CHD9: variants seen among roughly 807,000 people sequenced by gnomAD.
CHD9 encodes the protein ATP-dependent chromatin remodeler CHD9.
A neutral mutation model predicts 316.1 loss-of-function variants in CHD9; 77 were observed. The ratio of observed to expected loss-of-function variants is 0.24; its 90% CI spans 0.20 to 0.29. CHD9 has a LOEUF of 0.29. Among genes scored for constraint, CHD9 ranks in the 10% least tolerant of loss-of-function variants. The pLI, the probability that CHD9 is intolerant of heterozygous loss-of-function variation, is 1.00. For missense variants in CHD9, 2,763 were observed against 3,438.1 expected, an observed-to-expected ratio of 0.80 and a Z score of 4.91; for synonymous variants, 1,129 against 1,158.3, an observed-to-expected ratio of 0.97 and a Z score of 0.51.
Position 53,287,978 on chromosome 16 carries a change from CA to C in CHD9, c.5214del (p.Lys1738AsnfsTer11). 1 of 1,611,466 alleles carries C rather than the reference CA, an allele frequency of 6.2e-7. No individual in the cohort carries two copies. The highest frequency in any genetic ancestry group is 1.3e-5 in the African/African-American group (1 of 75,032). The stretch of plus-strand genomic sequence containing the variant: ...ACAGGGATGTGGAAGATCCAGAATA[CA>C]AACCTGCCCCAGCCATCTTTAAAGA... The part of the protein sequence containing the change: ...MDGDVEDPEY[K>X]PAPAIFKDDI... On this transcript the variant is annotated frameshift_variant, in exon 27 of 39. Coordinates refer to ENST00000447540, the MANE Select transcript of CHD9 (RefSeq NM_001308319.2). LOFTEE classifies it high-confidence loss of function.
chr16:53,159,429 G>T (rs2041756758), intron 2 of CHD9, among the ~76,000 whole-genome samples: 1 of 151,942 alleles, frequency 6.6e-6, no homozygotes, highest in African/African-American at 2.4e-5. Context: ...AAATTCTCTT[G>T]TTAAATTAAG....
intron 7 of CHD9, among the ~76,000 whole-genome samples, chr16:53,228,537 G>GTTTTTTTTTT (rs758037912): frequency 1.9e-5 from 2 of 105,052 alleles, no homozygotes; most frequent in Admixed American, 1.0e-4. Flanking sequence ...CCATGAAAGT[G>GTTTTTTTTTT]TTTTTTTTTT....
rs781448144 is a variant in CHD9, at chr16:53,157,109, G to A, written c.1020G>A (p.Leu340=). The change falls in exon 2 of 39, where the codon TTG becomes TTA. Residue 340 remains leucine, a synonymous_variant. Coordinates refer to ENST00000447540, the MANE Select transcript of CHD9 (RefSeq NM_001308319.2). The stretch of plus-strand genomic sequence containing the variant: ...TGAATTCAAATAATTTCCAAATATT[G>A]CATTCATCACATCCTCAGGGTAATT... ...TSLNSNNFQI[L]HSSHPQGNYS... is the part of the protein sequence containing the mutation. The A allele has an allele frequency of 1.2e-6, 2 of 1,611,196 alleles. No homozygotes were observed. The highest frequency in any genetic ancestry group is 1.1e-5 in the South Asian group (1 of 90,860).
At chr16:53,056,888 C>T (rs1315175863) in intron 1 of CHD9, among the ~76,000 whole-genome samples, 2 of 152,214 alleles carry the variant, frequency 1.3e-5, no homozygotes, top group Non-Finnish European at 2.9e-5. Context: ...AAATTCTTCC[C>T]TGTAATCCCA....
intron 34 of CHD9, among the ~76,000 whole-genome samples, chr16:53,312,191 T>C (rs1293754833): frequency 6.6e-6 from 1 of 152,232 alleles, no homozygotes; most frequent in Non-Finnish European, 1.5e-5. Context: ...TAAGTACTTC[T>C]ATTTTTTATG....
At chr16:53,055,999 C>T (rs925376412) in intron 1 of CHD9, among the ~76,000 whole-genome samples, 1 of 151,052 alleles carries the variant, frequency 6.6e-6, no homozygotes, top group Admixed American at 6.6e-5. Flanking sequence ...GGCCTTATAA[C>T]GAGCCTTTTT....
At chr16:53,142,807 CAG>C (rs1761399432) in intron 1 of CHD9, among the ~76,000 whole-genome samples, 2 of 152,154 alleles carry the variant, frequency 1.3e-5, no homozygotes, top group South Asian at 4.1e-4. Flanking sequence ...GTTGCTATAA[CAG>C]AATACCACAG....
chr16:53,295,344 C>CT, intron 29 of CHD9, among the ~76,000 whole-genome samples: 1 of 152,182 alleles, frequency 6.6e-6, no homozygotes, highest in East Asian at 1.9e-4. Context: ...CCAGGCTTGT[C>CT]TTGAATTCCT....
chr16:53,092,494 G>A (rs910909425), intron 1 of CHD9, among the ~76,000 whole-genome samples: 11 of 152,110 alleles, frequency 7.2e-5, no homozygotes, highest in Non-Finnish European at 1.6e-4. Flanking sequence ...GGTGACAGAT[G>A]TCCCATGAAG....
intron 1 of CHD9, among the ~76,000 whole-genome samples, chr16:53,126,196 T>C (rs554659287): frequency 6.6e-6 from 1 of 152,344 alleles, no homozygotes; most frequent in African/African-American, 2.4e-5. Flanking sequence ...CATTTAGGTG[T>C]GTGGTCCCTT....
At chr16:53,108,602 C>G (rs185867519) in intron 1 of CHD9, among the ~76,000 whole-genome samples, 1 of 151,806 alleles carries the variant, frequency 6.6e-6, no homozygotes, top group Non-Finnish European at 1.5e-5. Context: ...GGGCCGGGCG[C>G]GGTGGCTCAC....
chr16:53,217,355 A>G (rs1428077362), intron 3 of CHD9, among the ~76,000 whole-genome samples: 2 of 152,070 alleles, frequency 1.3e-5, no homozygotes, highest in South Asian at 2.1e-4. Context: ...CCAGGTTCAA[A>G]CGATTCTCCT....
chr16:53,301,612 C>T (rs1034807010), intron 30 of CHD9, among the ~76,000 whole-genome samples: 3 of 152,068 alleles, frequency 2.0e-5, no homozygotes, highest in Non-Finnish European at 4.4e-5. Context: ...GTGCTCTTCC[C>T]ACCTTGTTTC....
At chr16:53,140,591 A>T (rs1597120769) in intron 1 of CHD9, among the ~76,000 whole-genome samples, 1 of 152,208 alleles carries the variant, frequency 6.6e-6, no homozygotes, top group South Asian at 2.1e-4. Context: ...ATTAGAGATG[A>T]GATTGTATTT....
chr16:53,098,486 AAAAAAAG>A (rs1236958107), intron 1 of CHD9, among the ~76,000 whole-genome samples: 6 of 151,460 alleles, frequency 4.0e-5, no homozygotes, highest in African/African-American at 1.5e-4. Flanking sequence ...AAAAAAAAAA[AAAAAAAG>A]AAAGAAAGAA....
intron 1 of CHD9, among the ~76,000 whole-genome samples, chr16:53,062,112 G>T (rs939607953): frequency 6.6e-6 from 1 of 152,186 alleles, no homozygotes; most frequent in Admixed American, 6.5e-5. Context: ...GTGGGACTGG[G>T]ACTCTTGCTT....
At chr16:53,263,918 CGTAA>C (rs976444683) in intron 20 of CHD9, among the ~76,000 whole-genome samples, 50 of 151,904 alleles carry the variant, frequency 3.3e-4, no homozygotes, top group African/African-American at 1.2e-3. Context: ...TATAAAAGTT[CGTAA>C]GTGAGTTTAG....
chr16:53,130,443 G>C (rs1032477563), intron 1 of CHD9, among the ~76,000 whole-genome samples: 1 of 151,402 alleles, frequency 6.6e-6, no homozygotes, highest in Non-Finnish European at 1.5e-5. Flanking sequence ...TCGCGGCTGG[G>C]GCGTGCCCTG....
At chr16:53,297,599 C>A (rs2054919576) in intron 30 of CHD9, among the ~76,000 whole-genome samples, 1 of 152,158 alleles carries the variant, frequency 6.6e-6, no homozygotes, top group Non-Finnish European at 1.5e-5. Flanking sequence ...GCCATCTTCA[C>A]AAAAGACTAC....
Sources: gnomAD v4.1 joint callset for allele counts (sites outside exome capture counted in the v4.1 genomes callset) on GRCh38, gnomAD v4.1.1 for gene constraint, MANE v1.5 for transcripts, NCBI Gene and HGNC (gene_info 2026-07-23, HGNC 2026-07-21) for gene names.